FHL5: variants seen among roughly 807,000 people sequenced by gnomAD.
The protein encoded by FHL5 is four and a half LIM domains protein 5.
In FHL5, 33 loss-of-function variants were observed where a neutral mutation model predicts 32.0. The ratio of observed to expected loss-of-function variants is 1.03; its 90% CI spans 0.78 to 1.38. The LOEUF is 1.38. Among genes scored for constraint, FHL5 ranks in the 40% most tolerant of loss-of-function variants. The pLI is 0.00. For missense variants in FHL5, 336 were observed against 343.9 expected (o/e 0.98, Z 0.18); for synonymous variants, 114 against 113.6 (o/e 1.00, Z -0.02).
chr6:96,590,167 T>C (rs944054851), intron 1 of FHL5, among the ~76,000 whole-genome samples: 1 of 152,054 alleles, frequency 6.6e-6, no homozygotes, highest in South Asian at 2.1e-4. Context: ...TTATAAGTTA[T>C]GGAATTAGCT....
chr6:96,603,509 C>A, intron 1 of FHL5, 93 bp from the exon 2 acceptor site: 1 of 900,352 alleles, frequency 1.1e-6, no homozygotes, highest in Non-Finnish European at 1.7e-6. Flanking sequence ...TAAGTTCATT[C>A]AAATGCTTCA....
chr6:96,587,532 CTT>C (rs770809908), intron 1 of FHL5, among the ~76,000 whole-genome samples: 5 of 152,016 alleles, frequency 3.3e-5, no homozygotes, highest in African/African-American at 4.8e-5. Flanking sequence ...ATTTTTATCT[CTT>C]AATTCCACTT....
At chr6:96,600,664 A>G (rs1219882597) in intron 1 of FHL5, among the ~76,000 whole-genome samples, 9 of 152,192 alleles carry the variant, frequency 5.9e-5, no homozygotes, top group African/African-American at 2.2e-4. Flanking sequence ...TCTATTTTTA[A>G]GAAACACTAT....
At chr6:96,600,039 CAG>C (rs1771117347) in intron 1 of FHL5, among the ~76,000 whole-genome samples, 1 of 152,136 alleles carries the variant, frequency 6.6e-6, no homozygotes, top group Non-Finnish European at 1.5e-5. Context: ...CTTCTGGACA[CAG>C]AGTTATTCCC....
At chr6:96,577,881 G>A (rs1165996797) in intron 1 of FHL5, among the ~76,000 whole-genome samples, 1 of 150,944 alleles carries the variant, frequency 6.6e-6, no homozygotes. Context: ...GCTTCTGTGA[G>A]AAGCCTGGAA....
intron 1 of FHL5, among the ~76,000 whole-genome samples, chr6:96,568,582 T>A (rs1770410752): frequency 6.6e-6 from 1 of 151,922 alleles, no homozygotes; most frequent in African/African-American, 2.4e-5. Context: ...AGAGTGAAGC[T>A]GTCATATTCT....
chr6:96,594,238 T>C (rs1433860960), intron 1 of FHL5, among the ~76,000 whole-genome samples: 6 of 42,092 alleles, frequency 1.4e-4, no homozygotes, highest in African/African-American at 4.0e-4. Flanking sequence ...TATATATATA[T>C]ATATATATAT....
intron 1 of FHL5, among the ~76,000 whole-genome samples, chr6:96,574,190 A>G (rs1562052302): frequency 6.6e-6 from 1 of 152,192 alleles, no homozygotes; most frequent in Non-Finnish European, 1.5e-5. Context: ...CATTTAGTAA[A>G]TATATATTCT....
At chr6:96,588,927 A>G (rs1375945448) in intron 1 of FHL5, among the ~76,000 whole-genome samples, 1 of 151,780 alleles carries the variant, frequency 6.6e-6, no homozygotes, top group Non-Finnish European at 1.5e-5. Flanking sequence ...TGTTTTTCAT[A>G]TTTTTTAAAA....
At chr6:96,571,608 C>T (rs1770480375) in intron 1 of FHL5, among the ~76,000 whole-genome samples, 1 of 152,074 alleles carries the variant, frequency 6.6e-6, no homozygotes, top group South Asian at 2.1e-4. Context: ...ACCCATAGAG[C>T]CAGGATCTAT....
At chr6:96,589,435 T>C (rs1361661443) in intron 1 of FHL5, among the ~76,000 whole-genome samples, 1 of 152,102 alleles carries the variant, frequency 6.6e-6, no homozygotes, top group Non-Finnish European at 1.5e-5. Context: ...TATCTTTCAG[T>C]GGTTGTTAAT....
At chr6:96,597,506 A>G (rs1771060879) in intron 1 of FHL5, among the ~76,000 whole-genome samples, 1 of 152,196 alleles carries the variant, frequency 6.6e-6, no homozygotes, top group Non-Finnish European at 1.5e-5. Context: ...ATTAATTCTC[A>G]TAAGTCTCAG....
chr6:96,617,172 G>A lies in FHL5; in HGVS notation c.*1400G>A, dbSNP rs1334073528. On this transcript the variant is annotated 3_prime_UTR_variant, in exon 6 of 6. Transcript: ENST00000450218. Reference sequence around the variant, plus strand: ...CCACATTACTTGGGACAAATGGAAAGCAACCTCTGCTCTCCATGATCTGTT... The same window carrying A: ...CCACATTACTTGGGACAAATGGAAAACAACCTCTGCTCTCCATGATCTGTT... 6.6e-6 allele frequency among the ~76,000 whole-genome samples: 1 copy of A among 152,158 alleles called. No homozygotes were observed. Among genetic ancestry groups the A allele is most frequent in the Admixed American group, 6.6e-5 (1 of 15,238 alleles).
chr6:96,618,078 C>T lies in FHL5; in HGVS notation c.*2306C>T, dbSNP rs568786429. 6.6e-6 allele frequency among the ~76,000 whole-genome samples: 1 copy of T among 152,272 alleles called. No homozygotes were observed. Among genetic ancestry groups the T allele is most frequent in the South Asian group, 2.1e-4 (1 of 4,830 alleles). On this transcript the variant is annotated 3_prime_UTR_variant, in exon 6 of 6. Transcript: ENST00000450218. The stretch of plus-strand genomic sequence containing the variant: ...TGCCTGCAGGTTAAACAAAGCACCA[C>T]ATATGTAGACATAGCACACATATGC...
chr6:96,592,239 C>T (rs1363703559), intron 1 of FHL5, among the ~76,000 whole-genome samples: 1 of 152,100 alleles, frequency 6.6e-6, no homozygotes, highest in Non-Finnish European at 1.5e-5. Context: ...TGGCCACACC[C>T]AAGGGGGCCA....
intron 1 of FHL5, among the ~76,000 whole-genome samples, chr6:96,594,260 TATATATATATA>T (rs1562059693): frequency 0.013 from 1,409 of 105,056 alleles, 28 homozygotes; most frequent in Middle Eastern, 0.026. Flanking sequence ...TATATATATA[TATATATATATA>T]TATGTATGTA....
chr6:96,592,245 G>T (rs1398888066), intron 1 of FHL5, among the ~76,000 whole-genome samples: 1 of 152,062 alleles, frequency 6.6e-6, no homozygotes, highest in Non-Finnish European at 1.5e-5. Flanking sequence ...CACCCAAGGG[G>T]GCCATTGTAG....
At chr6:96,576,353 C>T (rs1217106886) in intron 1 of FHL5, among the ~76,000 whole-genome samples, 1 of 152,196 alleles carries the variant, frequency 6.6e-6, no homozygotes, top group African/African-American at 2.4e-5. Flanking sequence ...CCTGTCTTTT[C>T]TGTTGATCAG....
At chr6:96,576,934 C>T (rs938151918) in intron 1 of FHL5, among the ~76,000 whole-genome samples, 4 of 152,154 alleles carry the variant, frequency 2.6e-5, no homozygotes, top group Admixed American at 6.6e-5. Flanking sequence ...CAGATTTTCC[C>T]CATTTCCTTA....
Sources: allele counts gnomAD v4.1 joint callset (sites outside exome capture counted in the v4.1 genomes callset), GRCh38; gene constraint gnomAD v4.1.1; transcripts MANE v1.5; gene names NCBI Gene and HGNC (gene_info 2026-07-23, HGNC 2026-07-21).